The following BCAS1 variants were observed in gnomAD, a reference collection of about 807,000 sequenced individuals.
The protein encoded by BCAS1 is breast carcinoma-amplified sequence 1.
A neutral mutation model predicts 65.4 loss-of-function variants in BCAS1; 46 were observed. That is an observed-to-expected ratio of 0.70 (90% CI 0.55 to 0.90). BCAS1 has a LOEUF of 0.90. BCAS1 is among the 40% of genes least tolerant of loss of function. The pLI, the probability that BCAS1 is intolerant of heterozygous loss-of-function variation, is 0.00. For synonymous variants in BCAS1, 298 were observed against 293.5 expected (o/e 1.02, Z -0.16); for missense variants, 793 against 771.2 (o/e 1.03, Z -0.33).
At chr20:54,057,063 C>T (rs1304325331) in intron 3 of BCAS1, among the ~76,000 whole-genome samples, 1 of 152,178 alleles carries the variant, frequency 6.6e-6, no homozygotes, top group Non-Finnish European at 1.5e-5. Flanking sequence ...TATACTACCT[C>T]TTCTTACATA....
chr20:54,062,754 G>A (rs1224257561), intron 1 of BCAS1, among the ~76,000 whole-genome samples: 1 of 152,188 alleles, frequency 6.6e-6, no homozygotes, highest in Non-Finnish European at 1.5e-5. Flanking sequence ...CCACTTCAAG[G>A]TGAAGGGCCC....
chr20:53,974,192 G>A (rs753022253), intron 9 of BCAS1, among the ~76,000 whole-genome samples: 9 of 152,166 alleles, frequency 5.9e-5, no homozygotes, highest in East Asian at 1.9e-4. Context: ...GTCAAATAAC[G>A]GAGTAAAAGC....
At chr20:54,012,689 T>A (rs1237032691) in intron 4 of BCAS1, among the ~76,000 whole-genome samples, 2 of 152,180 alleles carry the variant, frequency 1.3e-5, no homozygotes, top group African/African-American at 4.8e-5. Flanking sequence ...GTAAAAATGA[T>A]CAGCCTTTAT....
At chr20:54,005,901 G>C (rs2091175932) in intron 4 of BCAS1, among the ~76,000 whole-genome samples, 1 of 152,176 alleles carries the variant, frequency 6.6e-6, no homozygotes, top group Non-Finnish European at 1.5e-5. Context: ...GAGGGTTTAG[G>C]GGGCAGGTTA....
At chr20:54,042,841 C>A (rs1361377382) in intron 3 of BCAS1, among the ~76,000 whole-genome samples, 2 of 152,198 alleles carry the variant, frequency 1.3e-5, no homozygotes, top group Non-Finnish European at 2.9e-5. Context: ...ACCTATTTCC[C>A]AATTTGCCTA....
chr20:54,037,052 C>CTT (rs11482530), intron 3 of BCAS1, among the ~76,000 whole-genome samples: 4 of 148,900 alleles, frequency 2.7e-5, no homozygotes, highest in Admixed American at 6.7e-5. Context: ...GAAGAATTAT[C>CTT]TTTTTTTTTT....
intron 9 of BCAS1, 65 bp downstream of exon 9, chr20:53,975,324 G>A: frequency 2.7e-6 from 4 of 1,462,440 alleles, no homozygotes; most frequent in Non-Finnish European, 3.8e-6. Flanking sequence ...AGCTGAAAAT[G>A]CCCAATTGTA....
chr20:53,972,096 TA>T (rs2090194823), intron 9 of BCAS1, among the ~76,000 whole-genome samples: 1 of 152,204 alleles, frequency 6.6e-6, no homozygotes, highest in Admixed American at 6.5e-5. Flanking sequence ...CATCCGTTGA[TA>T]GATTAGTTCT....
rs535612300 is a variant in BCAS1, at chr20:54,048,952, CAG to C, written c.142+9131_142+9132del. Among the ~76,000 whole-genome samples the C allele has an allele frequency of 2.3e-4, 35 of 152,282 alleles. 1 individual carries two copies. The South Asian group carries it at 7.1e-3, about 31-fold the overall frequency. On this transcript the variant is annotated intron_variant, in intron 3 of 12. Coordinates refer to ENST00000688948, the MANE Select transcript of BCAS1 (RefSeq NM_001366298.2). ...AGGGACTTTTACTTGAGTTTGGAAA[CAG>C]ATAAAAAATAAGATCAATTGGAGGG...
intron 4 of BCAS1, among the ~76,000 whole-genome samples, chr20:53,997,990 C>T (rs938817454): frequency 6.6e-6 from 1 of 152,160 alleles, no homozygotes; most frequent in Non-Finnish European, 1.5e-5. Context: ...TGCCAGTTCC[C>T]TTACTTAGAG....
chr20:54,049,686 G>C (rs1254304988), intron 3 of BCAS1, among the ~76,000 whole-genome samples: 1 of 151,922 alleles, frequency 6.6e-6, no homozygotes, highest in Admixed American at 6.6e-5. Context: ...GATTTTAGGC[G>C]TGAGCCACTG....
rs377522767 is a variant in BCAS1, at chr20:53,994,972, G to A, written c.927+40C>T. 274 of 1,581,680 alleles carry A rather than the reference G, an allele frequency of 1.7e-4. No individual in the cohort carries two copies. In the African/African-American group the frequency reaches 2.8e-3, roughly 16 times the overall value. On this transcript the variant is annotated intron_variant, in intron 6 of 12. Transcript: ENST00000688948. Reference sequence around the variant, plus strand: ...CACAAATCCAAATCCAATTCTATGCGCAAACCCAAATATATACATACACAC... The same window carrying A: ...CACAAATCCAAATCCAATTCTATGCACAAACCCAAATATATACATACACAC...
chr20:53,963,299 T>C (rs1427480089), intron 10 of BCAS1, among the ~76,000 whole-genome samples: 1 of 151,468 alleles, frequency 6.6e-6, no homozygotes, highest in African/African-American at 2.4e-5. Flanking sequence ...CTGGCCAATA[T>C]GGTGAAACCC....
In BCAS1 at chr20:53,956,133, C is replaced by A. The variant is rs563253042; in HGVS notation, c.1551+1299G>T. Among the ~76,000 whole-genome samples the A allele has an allele frequency of 7.8e-4, 119 of 152,112 alleles. 1 individual carries two copies. The highest frequency in any genetic ancestry group is 2.8e-3 in the African/African-American group (116 of 41,476). ...GACACTGTTAACAATAGAGTTGTGC[C>A]CCCACCCCAACGCATATGTTGAATC... On this transcript the variant is annotated intron_variant, in intron 11 of 12. Coordinates refer to ENST00000688948, the MANE Select transcript of BCAS1 (RefSeq NM_001366298.2).
At chr20:53,978,908 C>T (rs1319232726) in intron 8 of BCAS1, among the ~76,000 whole-genome samples, 2 of 152,182 alleles carry the variant, frequency 1.3e-5, no homozygotes, top group African/African-American at 4.8e-5. Flanking sequence ...CTTCTCTGCA[C>T]CTCAGTTCAC....
At chr20:54,030,569 A>C (rs973802029) in intron 3 of BCAS1, among the ~76,000 whole-genome samples, 1 of 141,162 alleles carries the variant, frequency 7.1e-6, no homozygotes, top group Admixed American at 7.1e-5. Flanking sequence ...ATCTATTCAT[A>C]CTGCTCATTA....
At chr20:53,995,390 T>C (rs548536737) in intron 5 of BCAS1, among the ~76,000 whole-genome samples, 1 of 152,286 alleles carries the variant, frequency 6.6e-6, no homozygotes, top group African/African-American at 2.4e-5. Flanking sequence ...CACATTCTGT[T>C]GACATTTATT....
intron 8 of BCAS1, among the ~76,000 whole-genome samples, chr20:53,983,906 G>A (rs2090548211): frequency 6.6e-6 from 1 of 151,984 alleles, no homozygotes; most frequent in Non-Finnish European, 1.5e-5. Context: ...CTCCTTCACA[G>A]ATGTCTTCCT....
chr20:54,057,934 G>C (rs1246105023), intron 3 of BCAS1, 151 bp downstream of exon 3: 1 of 645,082 alleles, frequency 1.6e-6, no homozygotes. Flanking sequence ...AAGCCACCAG[G>C]GCATGGTAGC....
Sources: gnomAD v4.1 joint callset for allele counts (sites outside exome capture counted in the v4.1 genomes callset) on GRCh38, gnomAD v4.1.1 for gene constraint, MANE v1.5 for transcripts, NCBI Gene and HGNC (gene_info 2026-07-23, HGNC 2026-07-21) for gene names.